The following UNC79 variants were observed in gnomAD, a reference collection of about 807,000 sequenced individuals.
The protein encoded by UNC79 is unc-79 subunit of NALCN channel complex, also known as protein unc-79 homolog.
UNC79 carries 37 observed loss-of-function variants against 283.1 expected under a neutral mutation model. The ratio of observed to expected loss-of-function variants is 0.13; its 90% CI spans 0.10 to 0.17. The LOEUF (loss-of-function observed/expected upper bound fraction) is 0.17. UNC79 is among the 10% of genes least tolerant of loss of function. UNC79 has a pLI of 1.00. For synonymous variants in UNC79, 1,107 were observed against 1,200.2 expected, an observed-to-expected ratio of 0.92 and a Z score of 1.61; for missense variants, 2,272 against 3,211.1, an observed-to-expected ratio of 0.71 and a Z score of 7.07.
intron 1 of UNC79, chr14:93,334,590 A>T (rs2053534379): frequency 6.6e-6 from 1 of 152,264 alleles, no homozygotes; most frequent in Non-Finnish European, 1.5e-5. Flanking sequence ...CCTTATCTAA[A>T]TTCAAGCCAT....
At chr14:93,507,509 A>G (rs1366473561) in intron 7 of UNC79, among the ~76,000 whole-genome samples, 6 of 152,110 alleles carry the variant, frequency 3.9e-5, no homozygotes. Context: ...GGTTATTCCT[A>G]TATCTTATGA....
chr14:93,519,094 T>G (rs1265559922), intron 7 of UNC79, among the ~76,000 whole-genome samples: 1 of 151,910 alleles, frequency 6.6e-6, no homozygotes, highest in Non-Finnish European at 1.5e-5. Flanking sequence ...TTCTGTCTGC[T>G]TGTTTTATCA....
At chr14:93,518,863 T>A (rs1293535068) in intron 7 of UNC79, among the ~76,000 whole-genome samples, 1 of 151,928 alleles carries the variant, frequency 6.6e-6, no homozygotes, top group Non-Finnish European at 1.5e-5. Context: ...GTGTTATTGG[T>A]TTCTAGTTTA....
intron 12 of UNC79, among the ~76,000 whole-genome samples, chr14:93,538,611 G>C (rs1392038087): frequency 6.6e-6 from 1 of 152,040 alleles, no homozygotes; most frequent in African/African-American, 2.4e-5. Flanking sequence ...AATAGGCCTG[G>C]CTTGACTGAC....
At chr14:93,416,770 A>G (rs1319101774) in intron 1 of UNC79, among the ~76,000 whole-genome samples, 1 of 152,118 alleles carries the variant, frequency 6.6e-6, no homozygotes, top group Non-Finnish European at 1.5e-5. Context: ...CTTTACCATT[A>G]TGTAATGGCC....
intron 41 of UNC79, among the ~76,000 whole-genome samples, chr14:93,677,928 G>A (rs1383347497): frequency 1.3e-5 from 2 of 152,198 alleles, no homozygotes; most frequent in Non-Finnish European, 1.5e-5. Context: ...GATTACAGGC[G>A]TGAGCCACTG....
chr14:93,492,953 AC>A (rs1256992496), intron 5 of UNC79, among the ~76,000 whole-genome samples: 3 of 152,118 alleles, frequency 2.0e-5, no homozygotes, highest in African/African-American at 4.8e-5. Context: ...CATGGGACTG[AC>A]CCCATCCTCA....
At chr14:93,549,401 G>C (rs978222004) in intron 14 of UNC79, among the ~76,000 whole-genome samples, 19 of 152,220 alleles carry the variant, frequency 1.2e-4, no homozygotes, top group Admixed American at 5.9e-4. Context: ...GCTCAGCATG[G>C]TACTCAATGC....
chr14:93,686,905 C>G (rs561530993), intron 43 of UNC79, among the ~76,000 whole-genome samples: 8 of 152,294 alleles, frequency 5.3e-5, no homozygotes, highest in Non-Finnish European at 1.2e-4. Flanking sequence ...ATATTCACTT[C>G]TCACAATACC....
chr14:93,535,806 T>C (rs901812690), intron 11 of UNC79, among the ~76,000 whole-genome samples: 1 of 152,286 alleles, frequency 6.6e-6, no homozygotes, highest in Admixed American at 6.5e-5. Flanking sequence ...AGGCAGCAAG[T>C]GGAAGCTGCG....
intron 40 of UNC79, among the ~76,000 whole-genome samples, chr14:93,673,100 A>G (rs1425375777): frequency 2.0e-5 from 3 of 152,236 alleles, no homozygotes; most frequent in Non-Finnish European, 4.4e-5. Context: ...CTGGGGCATC[A>G]GTGTTTAAGA....
intron 40 of UNC79, among the ~76,000 whole-genome samples, chr14:93,663,359 G>C (rs1372595532): frequency 1.3e-5 from 2 of 152,188 alleles, no homozygotes; most frequent in Non-Finnish European, 2.9e-5. Context: ...TGGAAAATCA[G>C]AAGGCAGGGC....
At chr14:93,493,172 T>C (rs968722272) in intron 5 of UNC79, among the ~76,000 whole-genome samples, 14 of 152,046 alleles carry the variant, frequency 9.2e-5, no homozygotes, top group African/African-American at 3.4e-4. Flanking sequence ...GGATGAATAA[T>C]GTGAACAAGG....
At chr14:93,651,090 GA>G (rs1355749046) in intron 35 of UNC79, among the ~76,000 whole-genome samples, 1 of 152,106 alleles carries the variant, frequency 6.6e-6, no homozygotes, top group Non-Finnish European at 1.5e-5. Context: ...AGAAACCATG[GA>G]AGGGTGGATC....
At chr14:93,484,095 A>G (rs1032034373) in intron 4 of UNC79, among the ~76,000 whole-genome samples, 1 of 152,188 alleles carries the variant, frequency 6.6e-6, no homozygotes, top group African/African-American at 2.4e-5. Context: ...ATCCTTGAGG[A>G]ACCACCACAC....
At chr14:93,556,469 A>G (rs537604388) in intron 14 of UNC79, among the ~76,000 whole-genome samples, 18 of 152,316 alleles carry the variant, frequency 1.2e-4, no homozygotes, top group Admixed American at 1.1e-3. Flanking sequence ...AACAGAACAG[A>G]GCCTCAGATT....
intron 1 of UNC79, chr14:93,334,610 T>C (rs1055118839): frequency 3.3e-5 from 5 of 152,280 alleles, no homozygotes; most frequent in African/African-American, 1.2e-4. Context: ...TTTACTGTTA[T>C]TTTCCATCAT....
intron 30 of UNC79, among the ~76,000 whole-genome samples, chr14:93,630,170 G>C (rs530205393): frequency 6.6e-6 from 1 of 152,326 alleles, no homozygotes; most frequent in East Asian, 1.9e-4. Flanking sequence ...TTTATTTCGG[G>C]TTGAGTACAG....
chr14:93,392,803 C>T (rs2054910902), intron 1 of UNC79, among the ~76,000 whole-genome samples: 1 of 152,084 alleles, frequency 6.6e-6, no homozygotes, highest in Non-Finnish European at 1.5e-5. Flanking sequence ...GTTTATAACA[C>T]CTAATATGTT....
Sources: gnomAD v4.1 joint callset for allele counts (sites outside exome capture counted in the v4.1 genomes callset) on GRCh38, gnomAD v4.1.1 for gene constraint, MANE v1.5 for transcripts, NCBI Gene and HGNC (gene_info 2026-07-23, HGNC 2026-07-21) for gene names.